Variants in B4GALT5 observed in about 807,000 individuals in gnomAD.
The protein encoded by B4GALT5 is UDP-Gal:beta-GlcNAc beta-1,4-galactosyltransferase 5.
Under a neutral mutation model 45.0 loss-of-function variants are expected in B4GALT5, and 11 were observed. The observed-to-expected ratio is 0.24, with a 90% CI of 0.15 to 0.40. The LOEUF (loss-of-function observed/expected upper bound fraction) is 0.40, where lower values mean the gene tolerates loss of function less well. B4GALT5 is among the 10% of genes least tolerant of loss of function. B4GALT5 has a pLI of 1.00. For missense variants in B4GALT5, 337 were observed against 500.2 expected (o/e 0.67, Z 3.11); for synonymous variants, 185 against 182.9 (o/e 1.01, Z -0.09).
chr20:49,703,462 G>GTGC (rs1228405386), intron 1 of B4GALT5, among the ~76,000 whole-genome samples: 1 of 152,070 alleles, frequency 6.6e-6, no homozygotes, highest in Admixed American at 6.6e-5. Flanking sequence ...TACATACAAC[G>GTGC]TGCTGGGCAC....
chr20:49,650,474 A>C (rs1170031136), intron 2 of B4GALT5, among the ~76,000 whole-genome samples: 6 of 150,578 alleles, frequency 4.0e-5, no homozygotes, highest in Admixed American at 3.3e-4. Context: ...AAAAAAAAAA[A>C]AAAAACACAA....
At chr20:49,699,129 T>A (rs1232903057) in intron 1 of B4GALT5, among the ~76,000 whole-genome samples, 2 of 152,100 alleles carry the variant, frequency 1.3e-5, no homozygotes, top group African/African-American at 4.8e-5. Context: ...AATAGCAACA[T>A]ATAAGAATTA....
intron 1 of B4GALT5, among the ~76,000 whole-genome samples, chr20:49,707,759 C>A (rs1172847271): frequency 2.0e-5 from 3 of 152,030 alleles, no homozygotes; most frequent in African/African-American, 4.8e-5. Flanking sequence ...GGATTACAGG[C>A]AGGCACCACA....
Position 49,636,095 on chromosome 20 carries a change from G to A in B4GALT5, c.*217C>T, listed in dbSNP as rs911815984. The A allele has an allele frequency of 5.1e-6, 3 of 587,168 alleles. No individual in the cohort carries two copies. Among genetic ancestry groups the A allele is most frequent in the Non-Finnish European group, 8.9e-6 (3 of 336,070 alleles). 36.4% of individuals were successfully genotyped at this position (587,168 alleles called of 1,614,324 possible). A position where few individuals can be genotyped will look rare whatever the true frequency, so the allele number is the denominator to read the frequency against. ...GTGAAAACAGAAAGCCAGTGCTGAC[G>A]AAGGAAGTCCCCAAGCTCACTCCCT... On this transcript the variant is annotated 3_prime_UTR_variant, in exon 9 of 9. Coordinates refer to ENST00000371711, the MANE Select transcript of B4GALT5 (RefSeq NM_004776.4).
At chr20:49,648,780 C>T (rs1224958450) in intron 2 of B4GALT5, among the ~76,000 whole-genome samples, 1 of 152,184 alleles carries the variant, frequency 6.6e-6, no homozygotes, top group Non-Finnish European at 1.5e-5. Flanking sequence ...GTCCTCCAAC[C>T]TCATTTTCTA....
At chr20:49,642,647 C>T (rs2085581868) in intron 4 of B4GALT5, 63 bp from the exon 5 acceptor site, 2 of 1,181,674 alleles carry the variant, frequency 1.7e-6, no homozygotes, top group South Asian at 1.3e-5. Flanking sequence ...CTTAGCAGGA[C>T]ACCCCTGATG....
intron 1 of B4GALT5, among the ~76,000 whole-genome samples, chr20:49,679,608 G>A (rs906064111): frequency 1.5e-4 from 23 of 151,252 alleles, no homozygotes; most frequent in African/African-American, 3.9e-4. Context: ...CCCAGGAGGC[G>A]GAGGTTGCAG....
At chr20:49,641,844 G>T (rs1219915875) in intron 5 of B4GALT5, among the ~76,000 whole-genome samples, 1 of 152,034 alleles carries the variant, frequency 6.6e-6, no homozygotes, top group African/African-American at 2.4e-5. Flanking sequence ...AGCCAAGTCA[G>T]TAATGTAAAC....
intron 1 of B4GALT5, among the ~76,000 whole-genome samples, chr20:49,684,039 G>C (rs563856753): frequency 6.6e-6 from 1 of 151,914 alleles, no homozygotes; most frequent in Non-Finnish European, 1.5e-5. Context: ...TACTTGGAAG[G>C]CTGAGGAGGG....
At chr20:49,637,706 G>A (rs1279806697) in intron 7 of B4GALT5, among the ~76,000 whole-genome samples, 1 of 151,912 alleles carries the variant, frequency 6.6e-6, no homozygotes, top group Non-Finnish European at 1.5e-5. Context: ...GGCCGAGGTG[G>A]GCAGATCATT....
chr20:49,703,726 TAA>T (rs754947222), intron 1 of B4GALT5, among the ~76,000 whole-genome samples: 16 of 52,156 alleles, frequency 3.1e-4, no homozygotes, highest in East Asian at 3.8e-4. Context: ...GCATTTCTAC[TAA>T]AAAAAAAAAA....
At chr20:49,673,281 G>A (rs1377668645) in intron 1 of B4GALT5, among the ~76,000 whole-genome samples, 3 of 152,050 alleles carry the variant, frequency 2.0e-5, no homozygotes, top group African/African-American at 7.2e-5. Flanking sequence ...TCAGGAGGCT[G>A]AGACAGGAGA....
chr20:49,657,429 GTCTC>G (rs1450441970), intron 1 of B4GALT5, among the ~76,000 whole-genome samples: 1 of 152,166 alleles, frequency 6.6e-6, no homozygotes, highest in African/African-American at 2.4e-5. Flanking sequence ...TTTTCCTGAA[GTCTC>G]TCTATGATAC....
At chr20:49,672,928 G>A (rs1307735300) in intron 1 of B4GALT5, among the ~76,000 whole-genome samples, 2 of 152,220 alleles carry the variant, frequency 1.3e-5, no homozygotes, top group African/African-American at 4.8e-5. Context: ...GGGGAAACGT[G>A]CATTTACAAT....
intron 2 of B4GALT5, among the ~76,000 whole-genome samples, chr20:49,650,456 T>TAAAAAAAAAAAA (rs141588605): frequency 7.8e-6 from 1 of 128,476 alleles, no homozygotes; most frequent in Non-Finnish European, 1.6e-5. Context: ...CCATCTCTGC[T>TAAAAAAAAAAAA]AAAAAAAAAA....
chr20:49,709,728 C>G lies in B4GALT5; in HGVS notation c.115+3848G>C, dbSNP rs908341291. On this transcript the variant is annotated intron_variant, in intron 1 of 8. Coordinates refer to ENST00000371711, the MANE Select transcript of B4GALT5 (RefSeq NM_004776.4). ...AGGTTGCAGTGAGCTGAGATCACAC[C>G]ATTTCACTCCAGCCTGGGCAAAAGA... 8.2e-4 allele frequency among the ~76,000 whole-genome samples: 124 copies of G among 150,406 alleles called. 1 individual carries two copies. Among genetic ancestry groups the G allele is most frequent in the Middle Eastern group, 3.4e-3 (1 of 294 alleles).
At chr20:49,697,154 T>C (rs2085842556) in intron 1 of B4GALT5, among the ~76,000 whole-genome samples, 1 of 152,200 alleles carries the variant, frequency 6.6e-6, no homozygotes, top group Non-Finnish European at 1.5e-5. Flanking sequence ...AAAGCTGACA[T>C]AAACAGCTAA....
At position 49,640,555 on chromosome 20, in the gene B4GALT5, C is replaced by A; in HGVS notation, c.717G>T (p.Pro239=). The A allele has an allele frequency of 1.9e-6, 3 of 1,613,886 alleles. No homozygotes were observed. Among genetic ancestry groups the A allele is most frequent in the Non-Finnish European group, 2.5e-6 (3 of 1,179,976 alleles). The change falls in exon 6 of 9, where the codon CCG becomes CCT. Residue 239 remains proline (P), a synonymous_variant. Coordinates refer to ENST00000371711, the MANE Select transcript of B4GALT5 (RefSeq NM_004776.4). ...CLIFHDVDHI[P]ESDRNYYGCG... ...ATCCATAATAGTTGCGATCACTTTC[C>A]GGTATGTGATCTACATCATGAAAAA...
rs773499083 is a variant in B4GALT5, at chr20:49,656,583, T to C, written c.235A>G (p.Ser79Gly). 34 of 1,614,070 alleles carry C rather than the reference T, an allele frequency of 2.1e-5. No homozygotes were observed. Among genetic ancestry groups the C allele is most frequent in the Non-Finnish European group, 4.2e-6 (5 of 1,180,026 alleles). ...LRSAYAKRNSSVNDSDYPLDL... is the reference protein window; with the variant it reads ...LRSAYAKRNSGVNDSDYPLDL... ...AAAAATATACCTGAGTCATTTACAC[T>C]GCTGTTCCTCTTGGCATAAGCACTC... The change falls in exon 2 of 9, where the codon AGT becomes GGT. Residue 79 changes from serine to glycine, a missense_variant. Ser to Gly is a moderately conservative substitution (Grantham distance 56). Around this residue, in one of 2 missense-constraint regions of B4GALT5, gnomAD observed 174 missense variants for 207.4 expected, o/e 0.84. Transcript: ENST00000371711.
Sources: allele counts gnomAD v4.1 joint callset (sites outside exome capture counted in the v4.1 genomes callset), GRCh38; gene constraint gnomAD v4.1.1; regional missense constraint gnomAD v4.1.1; transcripts MANE v1.5; gene names NCBI Gene and HGNC (gene_info 2026-07-23, HGNC 2026-07-21).